PTPRD: variants seen among roughly 807,000 people sequenced by gnomAD.
PTPRD encodes the protein receptor-type tyrosine-protein phosphatase delta.
Under a neutral mutation model 214.5 loss-of-function variants are expected in PTPRD, and 34 were observed. That is an observed-to-expected ratio of 0.16 (90% CI 0.12 to 0.21). PTPRD has a LOEUF of 0.21. Among genes scored for constraint, PTPRD ranks in the 10% least tolerant of loss-of-function variants. The probability of loss-of-function intolerance (pLI) is 1.00; values close to 1 mark genes in which losing one functional copy is unlikely to be tolerated. For synonymous variants in PTPRD, 1,128 were observed against 845.7 expected, an observed-to-expected ratio of 1.33 and a Z score of -5.79; for missense variants, 2,545 against 2,398.7, an observed-to-expected ratio of 1.06 and a Z score of -1.27.
At chr9:9,099,213 A>T (rs1311334722) in intron 10 of PTPRD, among the ~76,000 whole-genome samples, 1 of 152,198 alleles carries the variant, frequency 6.6e-6, no homozygotes, top group East Asian at 1.9e-4. Context: ...AGAGGTAAAA[A>T]GCAATCCACG....
chr9:10,459,584 A>G (rs1273534676), intron 2 of PTPRD, among the ~76,000 whole-genome samples: 2 of 151,850 alleles, frequency 1.3e-5, no homozygotes, highest in African/African-American at 4.8e-5. Context: ...CTTTTTAATG[A>G]TCGCCATTCT....
intron 9 of PTPRD, among the ~76,000 whole-genome samples, chr9:9,396,392 C>T (rs1055638633): frequency 2.0e-5 from 3 of 151,946 alleles, no homozygotes; most frequent in Non-Finnish European, 2.9e-5. Context: ...TCAGAATCTG[C>T]GTTTTGAAAA....
At chr9:9,255,669 T>C (rs2083732992) in intron 9 of PTPRD, among the ~76,000 whole-genome samples, 1 of 152,020 alleles carries the variant, frequency 6.6e-6, no homozygotes, top group Admixed American at 6.6e-5. Context: ...TTGGCACAGA[T>C]ACTACAAAAT....
intron 3 of PTPRD, among the ~76,000 whole-genome samples, chr9:10,212,119 A>G (rs1467190663): frequency 6.6e-6 from 1 of 152,068 alleles, no homozygotes; most frequent in Non-Finnish European, 1.5e-5. Context: ...TTTACACTAT[A>G]CCATTCTCTC....
At chr9:9,685,406 T>C (rs1045987051) in intron 7 of PTPRD, among the ~76,000 whole-genome samples, 1 of 151,392 alleles carries the variant, frequency 6.6e-6, no homozygotes, top group Admixed American at 6.6e-5. Flanking sequence ...TAAAAGTTTA[T>C]TACATTTTCA....
At chr9:9,600,310 T>A (rs994499705) in intron 7 of PTPRD, among the ~76,000 whole-genome samples, 14 of 152,066 alleles carry the variant, frequency 9.2e-5, no homozygotes, top group Admixed American at 3.3e-4. Flanking sequence ...TACACACCAG[T>A]ATGTTTCTTT....
At chr9:8,664,309 T>C (rs756706042) in intron 12 of PTPRD, among the ~76,000 whole-genome samples, 16 of 152,216 alleles carry the variant, frequency 1.1e-4, no homozygotes, top group Non-Finnish European at 2.1e-4. Flanking sequence ...TCAACTCTTC[T>C]GAATCATATT....
chr9:8,814,857 A>G (rs1286672511), intron 11 of PTPRD, among the ~76,000 whole-genome samples: 1 of 152,232 alleles, frequency 6.6e-6, no homozygotes, highest in Non-Finnish European at 1.5e-5. Flanking sequence ...AGAGGGGAGT[A>G]CTTCCATGGT....
chr9:9,769,648 T>G (rs1479306991), intron 5 of PTPRD, among the ~76,000 whole-genome samples: 2 of 152,046 alleles, frequency 1.3e-5, no homozygotes. Context: ...TTTATACACA[T>G]GTGCAGAACT....
intron 9 of PTPRD, among the ~76,000 whole-genome samples, chr9:9,312,159 C>G (rs1959183611): frequency 1.3e-5 from 2 of 152,052 alleles, no homozygotes; most frequent in South Asian, 4.1e-4. Flanking sequence ...TCATTTGATC[C>G]TAAAAATAGC....
At chr9:8,533,830 G>C (rs766587549) in intron 14 of PTPRD, among the ~76,000 whole-genome samples, 1 of 152,066 alleles carries the variant, frequency 6.6e-6, no homozygotes, top group Middle Eastern at 3.4e-3. Context: ...TACTTTTTCA[G>C]CACTCACTCA....
At chr9:9,197,744 C>G (rs1193693389) in intron 9 of PTPRD, among the ~76,000 whole-genome samples, 1 of 152,194 alleles carries the variant, frequency 6.6e-6, no homozygotes, top group Non-Finnish European at 1.5e-5. Flanking sequence ...ATCTTCCAGT[C>G]TACTCTGGCT....
intron 10 of PTPRD, among the ~76,000 whole-genome samples, chr9:9,033,887 G>A (rs115590941): frequency 1.3e-3 from 193 of 152,104 alleles, no homozygotes; most frequent in African/African-American, 3.9e-3. Flanking sequence ...TCTCCCACCC[G>A]TAATAACCCA....
At chr9:10,283,787 T>C (rs992701009) in intron 3 of PTPRD, among the ~76,000 whole-genome samples, 1 of 152,238 alleles carries the variant, frequency 6.6e-6, no homozygotes, top group Admixed American at 6.5e-5. Flanking sequence ...TAAAGTCCTT[T>C]CAATCCTTAT....
intron 2 of PTPRD, among the ~76,000 whole-genome samples, chr9:10,393,371 T>C (rs1315015017): frequency 6.6e-6 from 1 of 151,768 alleles, no homozygotes; most frequent in African/African-American, 2.4e-5. Flanking sequence ...ATATTTCTTA[T>C]GATCCATATC....
intron 4 of PTPRD, among the ~76,000 whole-genome samples, chr9:9,997,515 C>G (rs1403269963): frequency 6.6e-6 from 1 of 152,018 alleles, no homozygotes; most frequent in Non-Finnish European, 1.5e-5. Context: ...TCTTGAACTC[C>G]CACCCTCAGG....
intron 8 of PTPRD, among the ~76,000 whole-genome samples, chr9:9,492,307 C>T (rs934848401): frequency 1.3e-4 from 18 of 143,276 alleles, no homozygotes; most frequent in African/African-American, 4.5e-4. Flanking sequence ...GATGGACTCA[C>T]TAGTGAATTT....
intron 3 of PTPRD, among the ~76,000 whole-genome samples, chr9:10,110,157 C>G (rs2098677604): frequency 6.6e-6 from 1 of 152,178 alleles, no homozygotes; most frequent in African/African-American, 2.4e-5. Context: ...CTTATTGACA[C>G]AAAGTTGAAA....
chr9:8,830,021 T>G (rs1244434487), intron 11 of PTPRD, among the ~76,000 whole-genome samples: 3 of 152,218 alleles, frequency 2.0e-5, no homozygotes, highest in African/African-American at 7.2e-5. Flanking sequence ...ATTTGAAGAT[T>G]AAATACCAAA....
Sources: allele counts gnomAD v4.1 joint callset (sites outside exome capture counted in the v4.1 genomes callset), GRCh38; gene constraint gnomAD v4.1.1; transcripts MANE v1.5; gene names NCBI Gene and HGNC (gene_info 2026-07-23, HGNC 2026-07-21).